The following PAX5 variants were observed in gnomAD, a reference collection of about 807,000 sequenced individuals.
PAX5 encodes paired box 5.
In PAX5, 9 loss-of-function variants were observed where a neutral mutation model predicts 43.7. The observed-to-expected ratio is 0.21, with a 90% CI of 0.12 to 0.36. PAX5 has a LOEUF of 0.36. Ranked by LOEUF, PAX5 falls within the 10% of genes least tolerant of loss-of-function variation. The pLI is 1.00. For synonymous variants in PAX5, 228 were observed against 214.3 expected, an observed-to-expected ratio of 1.06 and a Z score of -0.56; for missense variants, 383 against 532.7, an observed-to-expected ratio of 0.72 and a Z score of 2.77.
intron 1 of PAX5, chr9:37,026,752 T>A (rs1312521415): frequency 1.0e-6 from 1 of 983,782 alleles, no homozygotes; most frequent in Non-Finnish European, 1.2e-6. Context: ...CGCCCGGAGC[T>A]GCGCGGAGAG....
At chr9:36,881,962 C>T (rs1376621826) in intron 8 of PAX5, 42 bp downstream of exon 8, 11 of 1,478,980 alleles carry the variant, frequency 7.4e-6, no homozygotes, top group African/African-American at 1.4e-5. Context: ...ACCGAAACCC[C>T]GTCCGCTGCC....
At chr9:37,032,313 TGC>T (rs1447773979) in intron 1 of PAX5, among the ~76,000 whole-genome samples, 1 of 152,168 alleles carries the variant, frequency 6.6e-6, no homozygotes, top group East Asian at 1.9e-4. Context: ...GCCCGAGGAC[TGC>T]GCAGACCCTC....
At chr9:36,977,174 C>G (rs938293643) in intron 5 of PAX5, among the ~76,000 whole-genome samples, 3 of 152,168 alleles carry the variant, frequency 2.0e-5, no homozygotes, top group Non-Finnish European at 4.4e-5. Context: ...AGACACTGTT[C>G]TAAGCACCTT....
chr9:36,968,469 A>G (rs1464223602), intron 5 of PAX5, among the ~76,000 whole-genome samples: 2 of 152,256 alleles, frequency 1.3e-5, no homozygotes, highest in Non-Finnish European at 2.9e-5. Flanking sequence ...CGTAGAAGTC[A>G]ACAGGCTCAG....
chr9:37,020,624 T>C lies in PAX5; in HGVS notation c.212+12A>G. 6.2e-7 allele frequency: 1 copy of C among 1,613,958 alleles called. No individual in the cohort carries two copies. Among genetic ancestry groups the C allele is most frequent in the Non-Finnish European group, 8.5e-7 (1 of 1,179,810 alleles). ...TGAAAGATCAAGGGAAGCCTCGAGC[T>C]ACTGCCTTTACCTGCCAAGAATTTT... On this transcript the variant is annotated intron_variant, in intron 2 of 9. Coordinates refer to ENST00000358127, the MANE Select transcript of PAX5 (RefSeq NM_016734.3).
At position 36,840,614 on chromosome 9, in the gene PAX5, A is replaced by G. The variant is rs572725619; in HGVS notation, c.1122T>C (p.Ala374=). The G allele has an allele frequency of 6.3e-7, 1 of 1,578,050 alleles. No individual in the cohort carries two copies. Among genetic ancestry groups the G allele is most frequent in the Admixed American group, 1.9e-5 (1 of 53,552 alleles). ...CAGGTGGGGCGGCTCCTCGGGCGGC[A>G]GCGCTATAATAGTAGGGGGAGCCTG... is the stretch of plus-strand genomic sequence containing the variant. The part of the protein sequence containing the change: ...GLLGSPYYYS[A]AARGAAPPAA... The change falls in exon 10 of 10, where the codon GCT becomes GCC. Residue 374 remains alanine, a synonymous_variant. Coordinates refer to ENST00000358127, the MANE Select transcript of PAX5 (RefSeq NM_016734.3).
intron 1 of PAX5, among the ~76,000 whole-genome samples, chr9:37,028,772 G>A (rs1487705189): frequency 2.0e-5 from 3 of 152,240 alleles, no homozygotes. Context: ...GCTGCAATGC[G>A]GCAGCTTCCA....
intron 6 of PAX5, among the ~76,000 whole-genome samples, chr9:36,962,610 C>T (rs926439400): frequency 1.1e-4 from 17 of 152,036 alleles, no homozygotes; most frequent in African/African-American, 2.7e-4. Context: ...TTGTTGTTGT[C>T]GTCATCAAAA....
chr9:36,939,592 A>T (rs1277602548), intron 6 of PAX5, among the ~76,000 whole-genome samples: 3 of 152,156 alleles, frequency 2.0e-5, no homozygotes, highest in African/African-American at 7.2e-5. Flanking sequence ...TTTGGTTCTA[A>T]TATCTGCATG....
At chr9:36,926,220 T>A (rs1275903719) in intron 6 of PAX5, among the ~76,000 whole-genome samples, 1 of 152,188 alleles carries the variant, frequency 6.6e-6, no homozygotes, top group African/African-American at 2.4e-5. Context: ...ATGACCCTAA[T>A]GATCTTTATA....
intron 6 of PAX5, among the ~76,000 whole-genome samples, chr9:36,936,828 A>G (rs1156906236): frequency 8.8e-6 from 1 of 113,604 alleles, no homozygotes; most frequent in Non-Finnish European, 1.9e-5. Flanking sequence ...ACACACACAC[A>G]TGCACACACA....
In PAX5 at chr9:36,923,458, C is replaced by A. The variant is rs371066564; in HGVS notation, c.807G>T (p.Ser269=). The part of the protein sequence containing the change: ...EQTTEYSAMA[S]LAGGLDDMKA... ...TCATGTCGTCCAGCCCACCAGCCAG[C>A]GAGGCCATGGCTGAATACTCTGTGG... The change falls in exon 7 of 10, where the codon TCG becomes TCT. Residue 269 remains serine, a synonymous_variant. Coordinates refer to ENST00000358127, the MANE Select transcript of PAX5 (RefSeq NM_016734.3). 9 of 1,611,794 alleles carry A rather than the reference C, an allele frequency of 5.6e-6. No homozygotes were observed. The highest frequency in any genetic ancestry group is 1.6e-4 in the Middle Eastern group (1 of 6,062).
intron 6 of PAX5, among the ~76,000 whole-genome samples, chr9:36,945,079 G>A (rs1490605961): frequency 1.3e-5 from 2 of 152,146 alleles, no homozygotes; most frequent in Non-Finnish European, 2.9e-5. Flanking sequence ...GACCTCCAAC[G>A]CACAGATCTA....
Position 36,988,662 on chromosome 9 carries a change from CAAAAAAAAAAAA to C in PAX5, c.604+13974_604+13985del, listed in dbSNP as rs139552622. On this transcript the variant is annotated intron_variant, in intron 5 of 9. Transcript: ENST00000358127. ...TGGGCAACAGAGTGAGACCCTGTCTCAAAAAAAAAAAAAAAAAAAAAAAAGAGAGAGAGAGAG... is the reference window on the plus strand; with the variant it reads ...TGGGCAACAGAGTGAGACCCTGTCTCAAAAAAAAAAAAGAGAGAGAGAGAG... Among the ~76,000 whole-genome samples the C allele has an allele frequency of 5.0e-4, 52 of 103,538 alleles. 1 individual carries two copies. In the South Asian group the frequency reaches 0.014, roughly 29 times the overall value. 67.9% of individuals were successfully genotyped at this position (103,538 alleles called of 152,430 possible). A position where few individuals can be genotyped will look rare whatever the true frequency, so the allele number is the denominator to read the frequency against.
intron 3 of PAX5, among the ~76,000 whole-genome samples, chr9:37,013,434 T>C (rs1292562716): frequency 6.6e-6 from 1 of 152,158 alleles, no homozygotes; most frequent in Non-Finnish European, 1.5e-5. Flanking sequence ...GTACTCTACG[T>C]TGGGAAACCT....
chr9:36,901,273 C>T (rs1310491308), intron 7 of PAX5, among the ~76,000 whole-genome samples: 2 of 152,088 alleles, frequency 1.3e-5, no homozygotes. Context: ...CTTTATCATG[C>T]TGTTCCTTCT....
At chr9:36,925,234 A>G (rs1830556939) in intron 6 of PAX5, among the ~76,000 whole-genome samples, 1 of 152,142 alleles carries the variant, frequency 6.6e-6, no homozygotes. Flanking sequence ...CAGGCTCTAG[A>G]TGATTCGTGC....
At chr9:36,972,793 C>G (rs374568063) in intron 5 of PAX5, among the ~76,000 whole-genome samples, 1 of 151,978 alleles carries the variant, frequency 6.6e-6, no homozygotes, top group Non-Finnish European at 1.5e-5. Context: ...TTTGGGAGGC[C>G]GAGGCAGGCA....
chr9:36,915,491 C>A (rs977020962), intron 7 of PAX5, among the ~76,000 whole-genome samples: 5 of 151,676 alleles, frequency 3.3e-5, no homozygotes, highest in African/African-American at 1.2e-4. Context: ...CATTTTTTCC[C>A]AATGAAAAGA....
Sources: gnomAD v4.1 joint callset for allele counts (sites outside exome capture counted in the v4.1 genomes callset) on GRCh38, gnomAD v4.1.1 for gene constraint, MANE v1.5 for transcripts, NCBI Gene and HGNC (gene_info 2026-07-23, HGNC 2026-07-21) for gene names.